The following CAMK2D variants were observed in gnomAD, a reference collection of about 807,000 sequenced individuals.
CAMK2D encodes the protein calcium/calmodulin dependent protein kinase II delta.
Under a neutral mutation model 84.0 loss-of-function variants are expected in CAMK2D, and 37 were observed. The observed-to-expected ratio is 0.44, with a 90% CI of 0.34 to 0.58. The LOEUF is 0.58. Among genes scored for constraint, CAMK2D ranks in the 20% least tolerant of loss-of-function variants. The pLI is 0.02. For synonymous variants in CAMK2D, 202 were observed against 212.5 expected (o/e 0.95, Z 0.43); for missense variants, 448 against 652.5 (o/e 0.69, Z 3.41).
rs2099347258 is a variant in CAMK2D, at chr4:113,681,973, A to G, written c.161-20201T>C. ...AAGTATGTCTGTACTCAAAACTGAC[A>G]TTCTCTACCAAAATATACTAGAAAA... On this transcript the variant is annotated intron_variant, in intron 2 of 20. Coordinates refer to ENST00000511664, the MANE Select transcript of CAMK2D (RefSeq NM_001321571.2). Among the ~76,000 whole-genome samples the G allele has an allele frequency of 1.3e-5, 2 of 152,180 alleles. 1 individual carries two copies. Among genetic ancestry groups the G allele is most frequent in the South Asian group, 4.1e-4 (2 of 4,834 alleles).
intron 2 of CAMK2D, chr4:113,755,139 C>A (rs1419860020): frequency 1.2e-6 from 1 of 864,104 alleles, no homozygotes; most frequent in Admixed American, 6.4e-5. Context: ...TTTTTAACAT[C>A]CCTTTTACAA....
chr4:113,727,112 C>G (rs1353243890), intron 2 of CAMK2D, among the ~76,000 whole-genome samples: 1 of 152,024 alleles, frequency 6.6e-6, no homozygotes, highest in Non-Finnish European at 1.5e-5. Flanking sequence ...AGAGATAATG[C>G]CATGTATGTA....
At chr4:113,697,092 G>A (rs942761628) in intron 2 of CAMK2D, among the ~76,000 whole-genome samples, 3 of 152,060 alleles carry the variant, frequency 2.0e-5, no homozygotes, top group Admixed American at 6.6e-5. Context: ...GAGGTCAGTC[G>A]TACTGGAAGA....
chr4:113,716,413 G>C (rs1258705609), intron 2 of CAMK2D, among the ~76,000 whole-genome samples: 1 of 152,098 alleles, frequency 6.6e-6, no homozygotes, highest in Non-Finnish European at 1.5e-5. Flanking sequence ...ACTTTGGGAG[G>C]CCAAGGCGAG....
chr4:113,586,993 T>C (rs1448926232), intron 4 of CAMK2D, among the ~76,000 whole-genome samples: 1 of 152,188 alleles, frequency 6.6e-6, no homozygotes, highest in East Asian at 1.9e-4. Flanking sequence ...CAAAACTAAA[T>C]GCAAGCACAT....
At chr4:113,517,393 T>A (rs2098298526) in intron 9 of CAMK2D, among the ~76,000 whole-genome samples, 170 bp downstream of exon 9, 1 of 152,188 alleles carries the variant, frequency 6.6e-6, no homozygotes, top group African/African-American at 2.4e-5. Flanking sequence ...AAAGGAAACG[T>A]AAACTGGATA....
Position 113,723,779 on chromosome 4 carries a change from T to C in CAMK2D, c.160+35541A>G, listed in dbSNP as rs948760355. ...ATGACATTACTCACCATAAAAGACA[T>C]AGGTAGCATTCAGGCAACATACAAA... On this transcript the variant is annotated intron_variant, in intron 2 of 20. Transcript: ENST00000511664. 1.1e-4 allele frequency among the ~76,000 whole-genome samples: 16 copies of C among 152,210 alleles called. No individual in the cohort carries two copies. In the South Asian group the frequency reaches 3.1e-3, roughly 30 times the overall value.
intron 4 of CAMK2D, among the ~76,000 whole-genome samples, chr4:113,574,081 C>A (rs887379537): frequency 6.6e-6 from 1 of 152,176 alleles, no homozygotes; most frequent in Non-Finnish European, 1.5e-5. Flanking sequence ...TACCCGTGCA[C>A]CAATCACGCT....
chr4:113,698,171 GAAT>G (rs1451198694), intron 2 of CAMK2D, among the ~76,000 whole-genome samples: 9 of 151,946 alleles, frequency 5.9e-5, no homozygotes, highest in Admixed American at 5.9e-4. Flanking sequence ...GTAATTTATT[GAAT>G]ACTACACTAA....
intron 16 of CAMK2D, among the ~76,000 whole-genome samples, chr4:113,495,595 C>T (rs868339354): frequency 2.8e-4 from 42 of 152,108 alleles, no homozygotes; most frequent in Admixed American, 7.9e-4. Context: ...TAGCTGAGAC[C>T]ACGATATCCA....
At chr4:113,559,061 G>A (rs1591223719) in intron 4 of CAMK2D, among the ~76,000 whole-genome samples, 1 of 151,652 alleles carries the variant, frequency 6.6e-6, no homozygotes. Flanking sequence ...CATTTCAAAC[G>A]TTATCTGACC....
intron 9 of CAMK2D, among the ~76,000 whole-genome samples, chr4:113,515,687 TC>T (rs1252214077): frequency 6.6e-6 from 1 of 152,152 alleles, no homozygotes; most frequent in African/African-American, 2.4e-5. Flanking sequence ...TAAAACAGCT[TC>T]AATTCCTGTG....
At chr4:113,457,713 G>C (rs2154101533) in intron 18 of CAMK2D, 150 bp from the exon 19 acceptor site, 1 of 634,868 alleles carries the variant, frequency 1.6e-6, no homozygotes. Flanking sequence ...TACTAATTGG[G>C]TACTGGGCAC....
chr4:113,483,953 T>C (rs561431429), intron 16 of CAMK2D, among the ~76,000 whole-genome samples: 1 of 152,300 alleles, frequency 6.6e-6, no homozygotes, highest in East Asian at 1.9e-4. Flanking sequence ...ATTGGTTAAG[T>C]CAAGTAAACA....
At chr4:113,500,441 T>G in intron 16 of CAMK2D, 22 bp downstream of exon 16, 8 of 1,509,834 alleles carry the variant, frequency 5.3e-6, no homozygotes, top group Non-Finnish European at 7.3e-6. Flanking sequence ...GGTAGGATTT[T>G]CCATTTCTGG....
intron 16 of CAMK2D, among the ~76,000 whole-genome samples, chr4:113,498,203 A>G (rs1231404721): frequency 6.6e-6 from 1 of 152,220 alleles, no homozygotes; most frequent in Non-Finnish European, 1.5e-5. Flanking sequence ...TTATTCACAT[A>G]TAGGGTCTTT....
intron 16 of CAMK2D, among the ~76,000 whole-genome samples, chr4:113,479,643 A>T (rs569757956): frequency 6.6e-6 from 1 of 152,340 alleles, no homozygotes; most frequent in South Asian, 2.1e-4. Flanking sequence ...AGCAAAAATG[A>T]ACTTGTTTTC....
intron 2 of CAMK2D, among the ~76,000 whole-genome samples, chr4:113,705,987 T>A (rs541006546): frequency 6.6e-6 from 1 of 152,202 alleles, no homozygotes; most frequent in African/African-American, 2.4e-5. Context: ...ACGGGCGGTG[T>A]GTCTCATGTT....
chr4:113,627,984 C>A (rs369050882), intron 3 of CAMK2D, among the ~76,000 whole-genome samples: 6 of 152,184 alleles, frequency 3.9e-5, no homozygotes, highest in Non-Finnish European at 7.4e-5. Context: ...GTATTTATTT[C>A]TTATCAACTG....
Sources: gnomAD v4.1 joint callset for allele counts (sites outside exome capture counted in the v4.1 genomes callset) on GRCh38, gnomAD v4.1.1 for gene constraint, MANE v1.5 for transcripts, NCBI Gene and HGNC (gene_info 2026-07-23, HGNC 2026-07-21) for gene names.